RSRC2: variants seen among roughly 807,000 people sequenced by gnomAD.
RSRC2 encodes the protein arginine and serine rich coiled-coil 2, also known as arginine/serine-rich coiled-coil protein 2.
Under a neutral mutation model 61.3 loss-of-function variants are expected in RSRC2, and 5 were observed. The ratio of observed to expected loss-of-function variants is 0.08; its 90% CI spans 0.04 to 0.17. RSRC2 has a LOEUF of 0.17. Ranked by LOEUF, RSRC2 falls within the 10% of genes least tolerant of loss-of-function variation. The pLI, the probability that RSRC2 is intolerant of heterozygous loss-of-function variation, is 1.00. For missense variants in RSRC2, 381 were observed against 518.8 expected (o/e 0.73, Z 2.58); for synonymous variants, 202 against 166.5 (o/e 1.21, Z -1.64).
chr12:122,517,123 A>G (rs970131206), intron 5 of RSRC2, 104 bp downstream of exon 5: 33 of 1,519,242 alleles, frequency 2.2e-5, no homozygotes, highest in Non-Finnish European at 2.7e-5. Context: ...ACCATAATCT[A>G]TAAATAGAAT....
chr12:122,517,186 G>A (rs2137507026), intron 5 of RSRC2, 41 bp downstream of exon 5: 2 of 1,612,288 alleles, frequency 1.2e-6, no homozygotes, highest in Non-Finnish European at 1.7e-6. Context: ...CAGACTCTCT[G>A]AGGGTCCTAT....
At chr12:122,508,477 TAA>T in intron 7 of RSRC2, 30 bp from the exon 8 acceptor site, 1 of 1,525,824 alleles carries the variant, frequency 6.6e-7, no homozygotes. Context: ...AAATGGATTT[TAA>T]AACGATTTTA....
intron 5 of RSRC2, among the ~76,000 whole-genome samples, chr12:122,516,751 A>G (rs1333550959): frequency 6.6e-6 from 1 of 152,200 alleles, no homozygotes; most frequent in East Asian, 1.9e-4. Context: ...GGAGTGCAAC[A>G]GCATGATCTT....
At chr12:122,522,413 A>T in intron 1 of RSRC2, 114 bp from the exon 2 acceptor site, 1 of 1,006,210 alleles carries the variant, frequency 9.9e-7, no homozygotes, top group Non-Finnish European at 1.4e-6. Flanking sequence ...ATAAATCAGA[A>T]TGCCTGCTTT....
At chr12:122,508,159 T>G (rs1271801993) in intron 8 of RSRC2, 59 bp downstream of exon 8, 7 of 1,490,478 alleles carry the variant, frequency 4.7e-6, no homozygotes, top group Non-Finnish European at 6.6e-6. Flanking sequence ...CCAAATTTGT[T>G]TTTCTAAGCA....
At chr12:122,521,008 A>G (rs930931035) in intron 3 of RSRC2, 2 of 224,984 alleles carry the variant, frequency 8.9e-6, no homozygotes, top group South Asian at 6.4e-5. Context: ...CAGCGCACAG[A>G]TATCTAGGGT....
At chr12:122,526,760 A>C in intron 1 of RSRC2, 88 bp downstream of exon 1, 1 of 1,488,668 alleles carries the variant, frequency 6.7e-7, no homozygotes, top group Non-Finnish European at 9.4e-7. Flanking sequence ...ACACACATAC[A>C]CACGAACAAG....
At chr12:122,514,295 C>T (rs1190161797) in intron 6 of RSRC2, among the ~76,000 whole-genome samples, 21 of 141,064 alleles carry the variant, frequency 1.5e-4, no homozygotes, top group Admixed American at 3.0e-4. Flanking sequence ...GACTGAGTCT[C>T]GCTCTATCGC....
At chr12:122,508,961 C>CA (rs143618756) in intron 7 of RSRC2, among the ~76,000 whole-genome samples, 1,869 of 143,768 alleles carry the variant, frequency 0.013, 30 homozygotes, top group African/African-American at 0.042. Context: ...CGTATCAAAA[C>CA]AAAAAAAAAA....
chr12:122,524,371 C>G (rs1346499704), intron 1 of RSRC2, among the ~76,000 whole-genome samples: 1 of 152,140 alleles, frequency 6.6e-6, no homozygotes, highest in Non-Finnish European at 1.5e-5. Flanking sequence ...ACCGCTATTA[C>G]TTCTCTCAGT....
At chr12:122,525,739 C>A in intron 1 of RSRC2, among the ~76,000 whole-genome samples, 1 of 151,752 alleles carries the variant, frequency 6.6e-6, no homozygotes, top group Non-Finnish European at 1.5e-5. Flanking sequence ...CTTATACACA[C>A]GCAGGCTTAT....
rs979242321 is a variant in RSRC2 at position 122,526,935 on chromosome 12, C to T, written c.-82G>A. 5.9e-6 allele frequency: 9 copies of T among 1,537,506 alleles called. No homozygotes were observed. In the South Asian group the frequency reaches 6.7e-5, roughly 11 times the overall value. On this transcript the variant is annotated 5_prime_UTR_variant, in exon 1 of 10. Transcript: ENST00000331738. ...GGCCGCTCCGAAGCTTCGCCTCAGACTAAATCGCTCGCGCGAGAGACCCGG... is the reference window on the plus strand; with the variant it reads ...GGCCGCTCCGAAGCTTCGCCTCAGATTAAATCGCTCGCGCGAGAGACCCGG...
intron 6 of RSRC2, among the ~76,000 whole-genome samples, chr12:122,513,031 A>C (rs922959376): frequency 1.7e-4 from 26 of 151,678 alleles, no homozygotes; most frequent in Non-Finnish European, 3.2e-4. Context: ...GTCTCTATTA[A>C]AAAGAAAACA....
chr12:122,519,087 TG>T (rs1959134193), intron 3 of RSRC2, 58 bp from the exon 4 acceptor site: 4 of 1,415,380 alleles, frequency 2.8e-6, no homozygotes, highest in Non-Finnish European at 4.0e-6. Flanking sequence ...AGAGTTAGTA[TG>T]GGTATCAGTA....
At chr12:122,516,529 C>T (rs1367791822) in intron 5 of RSRC2, among the ~76,000 whole-genome samples, 1 of 152,174 alleles carries the variant, frequency 6.6e-6, no homozygotes, top group South Asian at 2.1e-4. Context: ...ATTTCTTAAA[C>T]GTCTTTAAGC....
chr12:122,514,959 T>C (rs1958798363), intron 6 of RSRC2, 146 bp downstream of exon 6: 1 of 894,864 alleles, frequency 1.1e-6, no homozygotes, highest in Non-Finnish European at 1.7e-6. Context: ...AGAATTAAAC[T>C]ATTTACATAG....
chr12:122,514,712 T>C, intron 6 of RSRC2: 1 of 1,162,102 alleles, frequency 8.6e-7, no homozygotes, highest in Middle Eastern at 2.3e-4. Flanking sequence ...TTTTACTTAC[T>C]GTTTCAGGTA....
At chr12:122,512,739 AG>A (rs1165133207) in intron 6 of RSRC2, among the ~76,000 whole-genome samples, 6 of 148,492 alleles carry the variant, frequency 4.0e-5, no homozygotes, top group Non-Finnish European at 7.4e-5. Flanking sequence ...AAAAAAAAAA[AG>A]AGGAAAAGGA....
chr12:122,505,309 C>T lies in RSRC2; in HGVS notation c.*218G>A. ...AATTCATGAACTAAAAAATATTATCCTTCTATAGTCCTGTCAAGTTTAATG... is the reference window on the plus strand; with the variant it reads ...AATTCATGAACTAAAAAATATTATCTTTCTATAGTCCTGTCAAGTTTAATG... On this transcript the variant is annotated 3_prime_UTR_variant, in exon 10 of 10. Transcript: ENST00000331738. 2.5e-6 allele frequency: 1 copy of T among 404,196 alleles called. No individual in the cohort carries two copies. Among genetic ancestry groups the T allele is most frequent in the Non-Finnish European group, 4.4e-6 (1 of 229,200 alleles). The allele number at this position is 404,196 out of a possible 1,614,324, so 25.0% of individuals were successfully genotyped here.
Sources: allele counts gnomAD v4.1 joint callset (sites outside exome capture counted in the v4.1 genomes callset), GRCh38; gene constraint gnomAD v4.1.1; transcripts MANE v1.5; gene names NCBI Gene and HGNC (gene_info 2026-07-23, HGNC 2026-07-21).